The following PIAS1 variants were observed in gnomAD, a reference collection of about 807,000 sequenced individuals.
The protein encoded by PIAS1 is protein inhibitor of activated STAT 1, also known as E3 SUMO-protein ligase PIAS1.
A neutral mutation model predicts 71.3 loss-of-function variants in PIAS1; 6 were observed. The observed-to-expected ratio is 0.08, with a 90% CI of 0.05 to 0.17. PIAS1 has a LOEUF of 0.17. Ranked by LOEUF, PIAS1 falls within the 10% of genes least tolerant of loss-of-function variation. PIAS1 has a pLI of 1.00. For synonymous variants in PIAS1, 303 were observed against 292.9 expected, an observed-to-expected ratio of 1.03 and a Z score of -0.35; for missense variants, 555 against 793.6, an observed-to-expected ratio of 0.70 and a Z score of 3.61.
chr15:68,150,164 C>T (rs1315120273), intron 6 of PIAS1, among the ~76,000 whole-genome samples: 2 of 151,654 alleles, frequency 1.3e-5, no homozygotes, highest in Admixed American at 6.6e-5. Flanking sequence ...TTCCCTTTTT[C>T]CTCCTTTTTG....
At chr15:68,067,312 G>C (rs541257256) in intron 1 of PIAS1, among the ~76,000 whole-genome samples, 3 of 152,054 alleles carry the variant, frequency 2.0e-5, no homozygotes, top group African/African-American at 4.8e-5. Flanking sequence ...AGATATGCTT[G>C]CCTTTCTTTA....
At chr15:68,083,146 T>TGCA (rs1555424210) in intron 1 of PIAS1, among the ~76,000 whole-genome samples, 3 of 152,134 alleles carry the variant, frequency 2.0e-5, no homozygotes, top group Admixed American at 2.0e-4. Context: ...TTTATTTTGT[T>TGCA]GTGCTAACAA....
At chr15:68,080,267 A>G (rs2092216500) in intron 1 of PIAS1, among the ~76,000 whole-genome samples, 1 of 152,230 alleles carries the variant, frequency 6.6e-6, no homozygotes, top group South Asian at 2.1e-4. Flanking sequence ...ATGGTGTACC[A>G]TTTCAACAGT....
rs142466361 is a variant in PIAS1, at chr15:68,096,000, G to A, written c.469+9250G>A. Among the ~76,000 whole-genome samples, 338 of 152,252 alleles carry A rather than the reference G, an allele frequency of 2.2e-3. 3 individuals carry two copies. Among genetic ancestry groups the A allele is most frequent in the South Asian group, 0.018 (86 of 4,828 alleles). ...GAGATATTACAGTACAAAAGAAACC[G>A]AATGTTGGATGTAGTATTATAATTA... On this transcript the variant is annotated intron_variant, in intron 2 of 13. Coordinates refer to ENST00000249636, the MANE Select transcript of PIAS1 (RefSeq NM_016166.3).
chr15:68,186,242 G>A lies in PIAS1; in HGVS notation c.1663-1300G>A, dbSNP rs1300509334. ...AAGACCATGCAGTGGGACAAGCTGTGCAGATGGAAGACAGTGACATCGATG... is the reference window on the plus strand; with the variant it reads ...AAGACCATGCAGTGGGACAAGCTGTACAGATGGAAGACAGTGACATCGATG... On this transcript the variant is annotated intron_variant, in intron 13 of 13. Coordinates refer to ENST00000249636, the MANE Select transcript of PIAS1 (RefSeq NM_016166.3). This position sits in a 1 kb window ranked among gnomAD's most constrained non-coding sequence, Gnocchi z 4.4. Among the ~76,000 whole-genome samples, 1 of 152,190 alleles carries A rather than the reference G, an allele frequency of 6.6e-6. No individual in the cohort carries two copies. Among genetic ancestry groups the A allele is most frequent in the Non-Finnish European group, 1.5e-5 (1 of 68,036 alleles).
chr15:68,125,457 C>G (rs1444447279), intron 2 of PIAS1, among the ~76,000 whole-genome samples: 1 of 152,062 alleles, frequency 6.6e-6, no homozygotes, highest in Non-Finnish European at 1.5e-5. Flanking sequence ...TTAGTTTTCT[C>G]CCTCTTTTTA....
chr15:68,124,049 AAG>A lies in PIAS1; in HGVS notation c.470-17895_470-17894del, dbSNP rs1174361415. Among the ~76,000 whole-genome samples, 5 of 152,234 alleles carry A rather than the reference AAG, an allele frequency of 3.3e-5. No homozygotes were observed. The South Asian group carries it at 6.2e-4, about 19-fold the overall frequency. ...GTACATATGTATACACATGCACAAAAAGATCTGAGAAAGTATATGCTAGTAAT... is the reference window on the plus strand; with the variant it reads ...GTACATATGTATACACATGCACAAAAATCTGAGAAAGTATATGCTAGTAAT... On this transcript the variant is annotated intron_variant, in intron 2 of 13. Transcript: ENST00000249636.
chr15:68,138,957 C>T (rs1051719296), intron 2 of PIAS1, among the ~76,000 whole-genome samples: 1 of 152,114 alleles, frequency 6.6e-6, no homozygotes, highest in Non-Finnish European at 1.5e-5. Flanking sequence ...GAGATTAGTT[C>T]AGTGCTGTGT....
chr15:68,146,007 T>G lies in PIAS1; in HGVS notation c.693+101T>G, dbSNP rs1469128831. 1.0e-5 allele frequency: 8 copies of G among 762,172 alleles called. No individual in the cohort carries two copies. In the African/African-American group the frequency reaches 1.4e-4, roughly 13 times the overall value. 47.2% of individuals were successfully genotyped at this position (762,172 alleles called of 1,614,324 possible). On this transcript the variant is annotated intron_variant, in intron 5 of 13. Transcript: ENST00000249636. Reference sequence around the variant, plus strand: ...TCATAGTTTTTCCTTAAGAAAACATTTTTATTTTGGATATATATTCATTGA... The same window carrying G: ...TCATAGTTTTTCCTTAAGAAAACATGTTTATTTTGGATATATATTCATTGA...
At chr15:68,109,806 A>G (rs1273849415) in intron 2 of PIAS1, among the ~76,000 whole-genome samples, 1 of 152,196 alleles carries the variant, frequency 6.6e-6, no homozygotes, top group Non-Finnish European at 1.5e-5. Context: ...GATACAAACA[A>G]AAATGTCTAT....
intron 2 of PIAS1, among the ~76,000 whole-genome samples, chr15:68,121,831 T>TA: frequency 6.6e-6 from 1 of 152,070 alleles, no homozygotes; most frequent in Non-Finnish European, 1.5e-5. Context: ...GACAGCTCAC[T>TA]AAAAAACTTC....
chr15:68,150,319 G>A (rs775514265), intron 6 of PIAS1, among the ~76,000 whole-genome samples: 6 of 152,062 alleles, frequency 3.9e-5, no homozygotes, highest in Non-Finnish European at 8.8e-5. Flanking sequence ...AGCACTAGAG[G>A]AGGGGGGAAA....
At position 68,121,263 on chromosome 15, in the gene PIAS1, G is replaced by T. The variant is rs28410193; in HGVS notation, c.470-20683G>T. Among the ~76,000 whole-genome samples, 603 of 139,612 alleles carry T rather than the reference G, an allele frequency of 4.3e-3. 8 individuals carry two copies. Among genetic ancestry groups the T allele is most frequent in the Admixed American group, 0.021 (303 of 14,206 alleles). 91.6% of individuals were successfully genotyped at this position (139,612 alleles called of 152,430 possible). ...GTGTTAACAGTTGACATGTTTTTTT[G>T]TTTTTTTTTTTTCTTTTGGCACTTC... On this transcript the variant is annotated intron_variant, in intron 2 of 13. Coordinates refer to ENST00000249636, the MANE Select transcript of PIAS1 (RefSeq NM_016166.3).
chr15:68,106,125 T>C, intron 2 of PIAS1, among the ~76,000 whole-genome samples: 1 of 151,918 alleles, frequency 6.6e-6, no homozygotes, highest in East Asian at 1.9e-4. Flanking sequence ...CCTCTTCCAG[T>C]TGATTTTTAT....
chr15:68,074,095 A>G (rs2092130567), intron 1 of PIAS1, among the ~76,000 whole-genome samples: 1 of 152,196 alleles, frequency 6.6e-6, no homozygotes, highest in Non-Finnish European at 1.5e-5. Context: ...CTCTTGGGAT[A>G]TAAGGAGAGG....
chr15:68,113,216 T>A (rs944695539), intron 2 of PIAS1, among the ~76,000 whole-genome samples: 1 of 152,172 alleles, frequency 6.6e-6, no homozygotes. Flanking sequence ...CATACATAGG[T>A]ACATATCAAT....
intron 2 of PIAS1, among the ~76,000 whole-genome samples, chr15:68,131,835 T>C (rs145733408): frequency 6.6e-6 from 1 of 152,254 alleles, no homozygotes; most frequent in East Asian, 1.9e-4. Context: ...GACATCTCTT[T>C]GACATACTGT....
At chr15:68,141,873 G>C in intron 2 of PIAS1, 73 bp from the exon 3 acceptor site, 1 of 660,546 alleles carries the variant, frequency 1.5e-6, no homozygotes, top group South Asian at 2.0e-5. Flanking sequence ...AGACATGTGT[G>C]TTTTTTTTTT....
At chr15:68,097,652 C>T (rs953756408) in intron 2 of PIAS1, among the ~76,000 whole-genome samples, 5 of 152,106 alleles carry the variant, frequency 3.3e-5, no homozygotes, top group African/African-American at 9.7e-5. Context: ...AGGCTGGTGT[C>T]GAACTCCTGA....
Sources: allele counts gnomAD v4.1 joint callset (sites outside exome capture counted in the v4.1 genomes callset), GRCh38; gene constraint gnomAD v4.1.1; non-coding constraint Gnocchi (gnomAD v3.1); transcripts MANE v1.5; gene names NCBI Gene and HGNC (gene_info 2026-07-23, HGNC 2026-07-21).